RFX3: variants seen among roughly 807,000 people sequenced by gnomAD.
The protein encoded by RFX3 is regulatory factor X3, also known as transcription factor RFX3.
Under a neutral mutation model 98.6 loss-of-function variants are expected in RFX3, and 14 were observed. The ratio of observed to expected loss-of-function variants is 0.14; its 90% CI spans 0.09 to 0.22. The LOEUF is 0.22. Among genes scored for constraint, RFX3 ranks in the 10% least tolerant of loss-of-function variants. The probability of loss-of-function intolerance (pLI) is 1.00; values close to 1 mark genes in which losing one functional copy is unlikely to be tolerated. For missense variants in RFX3, 639 were observed against 926.9 expected, an observed-to-expected ratio of 0.69 and a Z score of 4.03; for synonymous variants, 383 against 328.4, an observed-to-expected ratio of 1.17 and a Z score of -1.80.
intron 15 of RFX3, among the ~76,000 whole-genome samples, chr9:3,231,991 C>G (rs926578102): frequency 4.6e-5 from 7 of 152,034 alleles, no homozygotes; most frequent in Non-Finnish European, 8.8e-5. Flanking sequence ...TGAGATCGTG[C>G]CACTGCACTC....
At chr9:3,247,478 A>T (rs893309168) in intron 15 of RFX3, 1 of 674,112 alleles carries the variant, frequency 1.5e-6, no homozygotes, top group East Asian at 1.1e-4. Flanking sequence ...ATTGTAAAAC[A>T]GAATAAAGTA....
chr9:3,346,012 AAAACCCAATTTGG>A (rs1834406825), intron 3 of RFX3, among the ~76,000 whole-genome samples: 1 of 152,208 alleles, frequency 6.6e-6, no homozygotes, highest in Non-Finnish European at 1.5e-5. Context: ...TTGCAAACAA[AAAACCCAATTTGG>A]AAACAATCCT....
chr9:3,336,399 G>C (rs1833180940), intron 3 of RFX3, among the ~76,000 whole-genome samples: 1 of 150,238 alleles, frequency 6.7e-6, no homozygotes, highest in South Asian at 2.1e-4. Flanking sequence ...TCATTCCTAT[G>C]AAAGCAAAAA....
intron 7 of RFX3, among the ~76,000 whole-genome samples, chr9:3,287,069 T>C (rs958979505): frequency 1.3e-5 from 2 of 151,934 alleles, no homozygotes; most frequent in Non-Finnish European, 2.9e-5. Context: ...GTGCCTCCCC[T>C]TCTAATTTTT....
At chr9:3,310,030 T>C (rs1280102958) in intron 4 of RFX3, among the ~76,000 whole-genome samples, 3 of 152,184 alleles carry the variant, frequency 2.0e-5, no homozygotes, top group African/African-American at 4.8e-5. Flanking sequence ...GAGGGTGTGA[T>C]CCTGAACAGT....
At chr9:3,473,764 T>A (rs1254602249) in intron 1 of RFX3, among the ~76,000 whole-genome samples, 2 of 152,176 alleles carry the variant, frequency 1.3e-5, no homozygotes, top group Non-Finnish European at 2.9e-5. Flanking sequence ...ATTAGCTAAT[T>A]TAATTAAATA....
At chr9:3,321,954 G>A (rs1831371536) in intron 4 of RFX3, among the ~76,000 whole-genome samples, 1 of 151,900 alleles carries the variant, frequency 6.6e-6, no homozygotes, top group African/African-American at 2.4e-5. Context: ...GCATGCATTT[G>A]GCCTACTTGG....
chr9:3,316,638 G>T (rs910819192), intron 4 of RFX3, among the ~76,000 whole-genome samples: 1 of 152,172 alleles, frequency 6.6e-6, no homozygotes, highest in Non-Finnish European at 1.5e-5. Context: ...CATTGTCTCA[G>T]CCCAAAATCT....
intron 15 of RFX3, among the ~76,000 whole-genome samples, chr9:3,237,222 C>G (rs887814072): frequency 6.6e-6 from 1 of 152,162 alleles, no homozygotes; most frequent in African/African-American, 2.4e-5. Context: ...TGTTTTCCCA[C>G]TCTATTTTGT....
chr9:3,292,748 G>A (rs1197840668), intron 6 of RFX3, among the ~76,000 whole-genome samples: 3 of 151,614 alleles, frequency 2.0e-5, no homozygotes, highest in African/African-American at 4.8e-5. Flanking sequence ...TTTTATGTGC[G>A]TGTGTGTGTG....
At chr9:3,399,241 C>G (rs1841228750) in intron 1 of RFX3, among the ~76,000 whole-genome samples, 1 of 150,536 alleles carries the variant, frequency 6.6e-6, no homozygotes, top group South Asian at 2.1e-4. Context: ...TCAAGACCAC[C>G]CTGGACAATA....
At chr9:3,382,114 T>C (rs1266771129) in intron 2 of RFX3, among the ~76,000 whole-genome samples, 2 of 152,122 alleles carry the variant, frequency 1.3e-5, no homozygotes, top group Non-Finnish European at 2.9e-5. Flanking sequence ...CTCACAGCAG[T>C]TTTAAACTCC....
intron 1 of RFX3, among the ~76,000 whole-genome samples, chr9:3,440,216 C>G (rs548041275): frequency 6.6e-6 from 1 of 152,132 alleles, no homozygotes; most frequent in Admixed American, 6.6e-5. Context: ...TGTCTGCTTT[C>G]ATCACTTCTA....
At chr9:3,506,709 T>C (rs967815698) in intron 1 of RFX3, among the ~76,000 whole-genome samples, 14 of 151,768 alleles carry the variant, frequency 9.2e-5, no homozygotes, top group Admixed American at 9.2e-4. Context: ...TAGAGAAATG[T>C]ATATATATAA....
chr9:3,395,298 A>G (rs1840741097), intron 2 of RFX3, among the ~76,000 whole-genome samples, 174 bp downstream of exon 2: 1 of 152,256 alleles, frequency 6.6e-6, no homozygotes, highest in African/African-American at 2.4e-5. Flanking sequence ...TAGCACAGAA[A>G]GAACCTGGCA....
intron 1 of RFX3, among the ~76,000 whole-genome samples, chr9:3,517,653 G>A (rs1197014968): frequency 1.3e-5 from 2 of 152,240 alleles, no homozygotes; most frequent in East Asian, 3.8e-4. Context: ...GCAGGCATCT[G>A]TGATTGTGCA....
chr9:3,324,130 C>A, intron 4 of RFX3: 1 of 381,680 alleles, frequency 2.6e-6, no homozygotes, highest in Non-Finnish European at 5.9e-6. Flanking sequence ...ACAGAAAAAG[C>A]TAAGATCATA....
chr9:3,300,704 A>G (rs1828547945), intron 5 of RFX3, among the ~76,000 whole-genome samples: 1 of 151,952 alleles, frequency 6.6e-6, no homozygotes, highest in Non-Finnish European at 1.5e-5. Context: ...ATGTTAAGTT[A>G]GCAGAAGATA....
At chr9:3,305,400 A>T (rs532245962) in intron 4 of RFX3, among the ~76,000 whole-genome samples, 1 of 152,140 alleles carries the variant, frequency 6.6e-6, no homozygotes, top group East Asian at 1.9e-4. Flanking sequence ...TGCTAGTAGT[A>T]AGGTTAAAAT....
Sources: gnomAD v4.1 joint callset for allele counts (sites outside exome capture counted in the v4.1 genomes callset) on GRCh38, gnomAD v4.1.1 for gene constraint, MANE v1.5 for transcripts, NCBI Gene and HGNC (gene_info 2026-07-23, HGNC 2026-07-21) for gene names.